CACNA1I: variants seen among roughly 807,000 people sequenced by gnomAD.
CACNA1I encodes the protein voltage-dependent T-type calcium channel subunit alpha-1I.
A neutral mutation model predicts 201.6 loss-of-function variants in CACNA1I; 74 were observed. The ratio of observed to expected loss-of-function variants is 0.37; its 90% CI spans 0.30 to 0.45. The LOEUF (loss-of-function observed/expected upper bound fraction) is 0.45. Ranked by LOEUF, CACNA1I falls within the 20% of genes least tolerant of loss-of-function variation. CACNA1I has a pLI of 1.00. For missense variants in CACNA1I, 2,346 were observed against 3,138.1 expected (o/e 0.75, Z 6.03); for synonymous variants, 1,431 against 1,345.2 (o/e 1.06, Z -1.40).
chr22:39,591,158 C>CT lies in CACNA1I; in HGVS notation c.237-6977dup, dbSNP rs132581. On this transcript the variant is annotated intron_variant, in intron 1 of 36. Transcript: ENST00000402142. Reference sequence around the variant, plus strand: ...TGAGCCACTGCATCTGGCCTGGATTCTTTTTTTTTTTTTTTTCTGAGACGG... The same window carrying CT: ...TGAGCCACTGCATCTGGCCTGGATTCTTTTTTTTTTTTTTTTTCTGAGACGG... 3.5e-3 allele frequency among the ~76,000 whole-genome samples: 457 copies of CT among 129,506 alleles called. 7 individuals are homozygous for CT. The East Asian group carries it at 0.04, about 11-fold the overall frequency. The allele number at this position is 129,506 out of a possible 152,430, so 85.0% of individuals were successfully genotyped here.
In CACNA1I at chr22:39,635,404, T is replaced by C. The variant is rs570550148; in HGVS notation, c.740+680T>C. On this transcript the variant is annotated intron_variant, in intron 5 of 36. Transcript: ENST00000402142. Reference sequence around the variant, plus strand: ...GCTGGGAGCCGATCCCAAACACCTCTAGTGAGTGCCTCTCAGTCTGTTAAT... The same window carrying C: ...GCTGGGAGCCGATCCCAAACACCTCCAGTGAGTGCCTCTCAGTCTGTTAAT... 2.0e-5 allele frequency among the ~76,000 whole-genome samples: 3 copies of C among 152,190 alleles called. No individual in the cohort carries two copies. In the South Asian group the frequency reaches 6.2e-4, roughly 32 times the overall value.
chr22:39,642,911 C>A (rs1020173057), intron 7 of CACNA1I, 22 bp downstream of exon 7: 1 of 1,515,668 alleles, frequency 6.6e-7, no homozygotes, highest in Non-Finnish European at 9.1e-7. Context: ...GGAGCCTGGG[C>A]TCCTAGGTGT....
rs1477709631 is a variant in CACNA1I at position 39,590,145 on chromosome 22, C to T, written c.237-8006C>T. 2.0e-5 allele frequency among the ~76,000 whole-genome samples: 3 copies of T among 152,212 alleles called. No individual in the cohort carries two copies. In the East Asian group the frequency reaches 5.8e-4, roughly 29 times the overall value. On this transcript the variant is annotated intron_variant, in intron 1 of 36. Coordinates refer to ENST00000402142, the MANE Select transcript of CACNA1I (RefSeq NM_021096.4). ...GGCACTGCCCCTCCACACGGTTGCT[C>T]TTCTAGCTGGGAACTGGCAGGTTTG...
chr22:39,581,019 GAT>G (rs1228065955), intron 1 of CACNA1I, among the ~76,000 whole-genome samples: 5 of 152,040 alleles, frequency 3.3e-5, no homozygotes, highest in Admixed American at 3.3e-4. Flanking sequence ...TCCCCAGCCT[GAT>G]GGAGGAGGCA....
chr22:39,616,080 G>T (rs1933527641), intron 3 of CACNA1I, among the ~76,000 whole-genome samples: 1 of 152,224 alleles, frequency 6.6e-6, no homozygotes. Context: ...TAGACTGCAG[G>T]TGTGTTCCCG....
intron 1 of CACNA1I, among the ~76,000 whole-genome samples, chr22:39,592,549 G>T (rs1450367604): frequency 1.3e-5 from 2 of 152,226 alleles, no homozygotes; most frequent in Non-Finnish European, 2.9e-5. Flanking sequence ...GAGGGCCTGA[G>T]GGGTGAAGTA....
At chr22:39,594,087 G>A (rs1420430649) in intron 1 of CACNA1I, among the ~76,000 whole-genome samples, 1 of 152,182 alleles carries the variant, frequency 6.6e-6, no homozygotes, top group Admixed American at 6.5e-5. Flanking sequence ...CTTCACAGAG[G>A]AGAGCGCTGG....
intron 9 of CACNA1I, 62 bp downstream of exon 9, chr22:39,647,988 G>A: frequency 6.9e-7 from 1 of 1,441,306 alleles, no homozygotes; most frequent in Non-Finnish European, 9.7e-7. Context: ...CTCCCAGTTG[G>A]TGCTGAGAAG....
chr22:39,575,622 T>G (rs1244623972), intron 1 of CACNA1I, among the ~76,000 whole-genome samples: 1 of 96,268 alleles, frequency 1.0e-5, no homozygotes, highest in East Asian at 1.7e-3. Flanking sequence ...GTTCTGCTGC[T>G]AGTGGCCATG....
At position 39,680,979 on chromosome 22, in the gene CACNA1I, C is replaced by T. The variant is rs753621012; in HGVS notation, c.5591C>T (p.Ser1864Leu). Reference sequence around the variant, plus strand: ...TTCTCCCTGAACTCAGACAGGTCCTCGTCCATCCTGCTGGGTGACGACCTG... The same window carrying T: ...TTCTCCCTGAACTCAGACAGGTCCTTGTCCATCCTGCTGGGTGACGACCTG... ...EAFSLNSDRS[S>L]SILLGDDLSL... is the part of the protein sequence containing the mutation. Residue 1864 changes from serine (S) to leucine (L), a missense_variant, in exon 34 of 37, where the codon TCG becomes TTG. Transcript: ENST00000402142. 14 of 1,611,934 alleles carry T rather than the reference C, an allele frequency of 8.7e-6. No individual in the cohort carries two copies. The highest frequency in any genetic ancestry group is 1.3e-5 in the African/African-American group (1 of 74,930).
intron 3 of CACNA1I, among the ~76,000 whole-genome samples, chr22:39,606,839 A>G (rs957348167): frequency 5.3e-5 from 8 of 152,030 alleles, no homozygotes; most frequent in Admixed American, 3.3e-4. Flanking sequence ...GCCAATCCCA[A>G]CTCTTTGTCT....
In CACNA1I at chr22:39,684,314, C is replaced by T. The variant is rs1221102140; in HGVS notation, c.5843C>T (p.Pro1948Leu). Residue 1948 changes from proline (P) to leucine (L), a missense_variant, in exon 36 of 37, where the codon CCC (proline) becomes CTC (leucine). This residue lies in a region of CACNA1I where 441 missense variants were observed against 555.6 expected (regional missense o/e 0.79). Coordinates refer to ENST00000402142, the MANE Select transcript of CACNA1I (RefSeq NM_021096.4). The surrounding 1 kb of genome is among the most constrained non-coding windows in gnomAD (Gnocchi z 4.6). ...KHDSSQAPPS[P>L]FSPDASSPLL... ...CCTTTCCCAGCAGCACCCCCAAGTC[C>T]CTTCTCCCCGGATGCCTCCAGCCCT... 7 of 1,613,458 alleles carry T rather than the reference C, an allele frequency of 4.3e-6. No individual in the cohort carries two copies. The highest frequency in any genetic ancestry group is 1.3e-5 in the African/African-American group (1 of 75,056).
At chr22:39,634,886 T>C (rs1246656744) in intron 5 of CACNA1I, among the ~76,000 whole-genome samples, 162 bp downstream of exon 5, 2 of 151,968 alleles carry the variant, frequency 1.3e-5, no homozygotes, top group East Asian at 1.9e-4. Flanking sequence ...GCAGAAGTGA[T>C]GCCCAGGAGG....
chr22:39,580,587 T>G (rs1207593852), intron 1 of CACNA1I, among the ~76,000 whole-genome samples: 1 of 152,158 alleles, frequency 6.6e-6, no homozygotes, highest in Non-Finnish European at 1.5e-5. Flanking sequence ...AGGGAGGGTT[T>G]TCCAGGCAGA....
At chr22:39,581,902 A>C (rs978976876) in intron 1 of CACNA1I, among the ~76,000 whole-genome samples, 47 of 152,064 alleles carry the variant, frequency 3.1e-4, no homozygotes, top group Non-Finnish European at 5.9e-5. Flanking sequence ...CTTCTTCCCC[A>C]AGTTCAAATC....
intron 3 of CACNA1I, among the ~76,000 whole-genome samples, chr22:39,619,096 G>A (rs1933649213): frequency 6.6e-6 from 1 of 152,152 alleles, no homozygotes; most frequent in Admixed American, 6.5e-5. Flanking sequence ...CTAAGCCCTT[G>A]CCCACATCTG....
At chr22:39,658,426 C>T (rs556512385) in intron 11 of CACNA1I, 123 bp downstream of exon 11, 12 of 842,732 alleles carry the variant, frequency 1.4e-5, no homozygotes, top group South Asian at 7.0e-5. Flanking sequence ...AAACAATTAT[C>T]GAAATAGTCA....
intron 3 of CACNA1I, among the ~76,000 whole-genome samples, chr22:39,610,073 T>C (rs1933343256): frequency 6.6e-6 from 1 of 152,202 alleles, no homozygotes; most frequent in African/African-American, 2.4e-5. Flanking sequence ...CACAACTCTG[T>C]GTGCACTATT....
At chr22:39,610,270 C>T (rs1037537617) in intron 3 of CACNA1I, among the ~76,000 whole-genome samples, 4 of 152,202 alleles carry the variant, frequency 2.6e-5, no homozygotes, top group Non-Finnish European at 4.4e-5. Flanking sequence ...TCCCCAGAGC[C>T]GTGGAGGCAT....
Sources: allele counts gnomAD v4.1 joint callset (sites outside exome capture counted in the v4.1 genomes callset), GRCh38; gene constraint gnomAD v4.1.1; regional missense constraint gnomAD v4.1.1; non-coding constraint Gnocchi (gnomAD v3.1); transcripts MANE v1.5; gene names NCBI Gene and HGNC (gene_info 2026-07-23, HGNC 2026-07-21).